The following PSMD13 variants were observed in gnomAD, a reference collection of about 807,000 sequenced individuals.
PSMD13 encodes the protein 26S proteasome non-ATPase regulatory subunit 13.
A neutral mutation model predicts 57.4 loss-of-function variants in PSMD13; 8 were observed. The ratio of observed to expected loss-of-function variants is 0.14; its 90% CI spans 0.08 to 0.25. PSMD13 has a LOEUF of 0.25. Ranked by LOEUF, PSMD13 falls within the 10% of genes least tolerant of loss-of-function variation. PSMD13 has a pLI of 1.00. For synonymous variants in PSMD13, 193 were observed against 168.2 expected, an observed-to-expected ratio of 1.15 and a Z score of -1.14; for missense variants, 400 against 461.5, an observed-to-expected ratio of 0.87 and a Z score of 1.22.
chr11:237,500 A>G (rs902624994), intron 1 of PSMD13, among the ~76,000 whole-genome samples: 8 of 152,218 alleles, frequency 5.3e-5, no homozygotes, highest in African/African-American at 1.9e-4. Flanking sequence ...GATTCCATCT[A>G]ACAAGCAAAC....
intron 7 of PSMD13, 187 bp downstream of exon 7, chr11:247,635 C>T (rs1175079795): frequency 5.8e-6 from 3 of 517,682 alleles, no homozygotes; most frequent in South Asian, 2.6e-5. Context: ...AGTTCGAGAC[C>T]AGCCTGGCCA....
chr11:246,661 A>G lies in PSMD13; in HGVS notation c.397-616A>G, dbSNP rs183971455. ...GTGCATCTCTGCCTTTCCCAGATACATGCTCCCTCAGCACCATATGAGTAC... is the reference window on the plus strand; with the variant it reads ...GTGCATCTCTGCCTTTCCCAGATACGTGCTCCCTCAGCACCATATGAGTAC... On this transcript the variant is annotated intron_variant, in intron 6 of 12. Transcript: ENST00000532097. 5.9e-5 allele frequency among the ~76,000 whole-genome samples: 9 copies of G among 152,278 alleles called. No individual in the cohort carries two copies. The East Asian group carries it at 1.3e-3, about 23-fold the overall frequency.
At chr11:237,335 G>C (rs1272108846) in intron 1 of PSMD13, among the ~76,000 whole-genome samples, 191 bp downstream of exon 1, 1 of 152,234 alleles carries the variant, frequency 6.6e-6, no homozygotes, top group Admixed American at 6.5e-5. Flanking sequence ...CGAGGAATAA[G>C]AGGGATGACA....
intron 9 of PSMD13, among the ~76,000 whole-genome samples, chr11:250,312 A>G (rs2133992719): frequency 6.6e-6 from 1 of 152,360 alleles, no homozygotes; most frequent in Non-Finnish European, 1.5e-5. Context: ...CAGGACAATG[A>G]TATTTTTCAT....
At chr11:238,575 G>A (rs1564819579) in intron 1 of PSMD13, among the ~76,000 whole-genome samples, 1 of 152,184 alleles carries the variant, frequency 6.6e-6, no homozygotes, top group Non-Finnish European at 1.5e-5. Context: ...GGAGGCTGAG[G>A]CAGGAGAATC....
At chr11:245,416 G>T (rs1178374042) in intron 6 of PSMD13, among the ~76,000 whole-genome samples, 1 of 152,206 alleles carries the variant, frequency 6.6e-6, no homozygotes, top group Admixed American at 6.5e-5. Context: ...GCCTCAGTCA[G>T]CCCAAAGCAC....
intron 7 of PSMD13, among the ~76,000 whole-genome samples, chr11:248,398 A>G (rs1048760898): frequency 6.6e-6 from 1 of 152,226 alleles, no homozygotes; most frequent in Non-Finnish European, 1.5e-5. Context: ...AGAACAATAG[A>G]CTTGCTGTCT....
At chr11:245,253 C>T (rs1423422439) in intron 6 of PSMD13, among the ~76,000 whole-genome samples, 1 of 152,146 alleles carries the variant, frequency 6.6e-6, no homozygotes, top group Admixed American at 6.5e-5. Context: ...CCCCCGATTG[C>T]TAACCTTTTA....
intron 1 of PSMD13, among the ~76,000 whole-genome samples, chr11:237,885 A>C (rs932868845): frequency 6.6e-6 from 1 of 152,238 alleles, no homozygotes; most frequent in African/African-American, 2.4e-5. Flanking sequence ...CATAGAAAAT[A>C]CATCTCCTGT....
Position 251,979 on chromosome 11 carries a change from G to A in PSMD13, c.1035+43G>A, listed in dbSNP as rs770393899. The A allele has an allele frequency of 2.9e-5, 45 of 1,562,134 alleles. No homozygotes were observed. The highest frequency in any genetic ancestry group is 3.6e-5 in the Non-Finnish European group (41 of 1,135,646). Reference sequence around the variant, plus strand: ...CATTATTCACCTCTGTGGATTTTGAGGGGTTGTGTCTATACCGTCTTAGTT... The same window carrying A: ...CATTATTCACCTCTGTGGATTTTGAAGGGTTGTGTCTATACCGTCTTAGTT... On this transcript the variant is annotated intron_variant, in intron 12 of 12. Transcript: ENST00000532097. The surrounding 1 kb of genome is among the most constrained non-coding windows in gnomAD (Gnocchi z 4.6).
rs768570521 is a variant in PSMD13, at chr11:237,092, G to A, written c.43G>A (p.Gly15Arg). Residue 15 changes from glycine to arginine, a missense_variant, in exon 1 of 13, where the codon GGG becomes AGG. By Grantham distance (125) the Gly-to-Arg change is moderately radical. Coordinates refer to ENST00000532097, the MANE Select transcript of PSMD13 (RefSeq NM_002817.4). ...CTTCCTACAGCAGAGCCAGAACTCC[G>A]GGCCCGGGCAGCCCGCTGTGTGGCA... is the stretch of plus-strand genomic sequence containing the variant. Reference protein sequence around the residue: ...PGFLQQSQNSGPGQPAVWHRL... With the variant: ...PGFLQQSQNSRPGQPAVWHRL... 2 of 1,613,804 alleles carry A rather than the reference G, an allele frequency of 1.2e-6. No individual in the cohort carries two copies. The highest frequency in any genetic ancestry group is 2.2e-5 in the South Asian group (2 of 91,058).
At chr11:246,086 C>T (rs528092775) in intron 6 of PSMD13, among the ~76,000 whole-genome samples, 115 of 152,238 alleles carry the variant, frequency 7.6e-4, no homozygotes, top group African/African-American at 2.6e-3. Flanking sequence ...GTAACTCAAG[C>T]GTTTTAACAT....
At chr11:244,529 G>T in intron 5 of PSMD13, 60 bp downstream of exon 5, 2 of 1,556,044 alleles carry the variant, frequency 1.3e-6, no homozygotes, top group Non-Finnish European at 8.9e-7. Context: ...TGACTTAACA[G>T]CTTGTGTTCA....
chr11:243,185 A>G (rs6598066), intron 2 of PSMD13: 505,704 of 612,314 alleles, frequency 0.83, 209,302 homozygotes, highest in African/African-American at 0.96. Flanking sequence ...CTTGTTTTTA[A>G]TTTAGGTATC....
chr11:249,015 C>T lies in PSMD13; in HGVS notation c.732C>T (p.Asn244=), dbSNP rs755253526. ...CCCTCTATGCCTTCAACAGTGGCAA[C>T]GTAGAGCGGTTCCAGACTCTGAAGA... ...IDTLYAFNSG[N]VERFQTLKTA... Residue 244 remains asparagine, a synonymous_variant, in exon 9 of 13, where the codon AAC becomes AAT. Transcript: ENST00000532097. 1.1e-5 allele frequency: 17 copies of T among 1,613,766 alleles called. No individual in the cohort carries two copies. The highest frequency in any genetic ancestry group is 2.2e-5 in the East Asian group (1 of 44,900).
rs575334060 is a variant in PSMD13 at position 251,876 on chromosome 11, C to G, written c.975C>G (p.Asp325Glu). 5.0e-6 allele frequency: 8 copies of G among 1,614,024 alleles called. No homozygotes were observed. The highest frequency in any genetic ancestry group is 1.3e-5 in the African/African-American group (1 of 74,908). ...LSVGLVKGSI[D>E]EVDKRVHMTW... is the part of the protein sequence containing the mutation. ...TGGGGCTGGTGAAAGGCAGTATAGA[C>G]GAGGTGGACAAACGAGTCCACATGA... The change falls in exon 12 of 13, where the codon GAC becomes GAG. Residue 325 changes from aspartate to glutamate, a missense_variant. Coordinates refer to ENST00000532097, the MANE Select transcript of PSMD13 (RefSeq NM_002817.4). This position sits in a 1 kb window ranked among gnomAD's most constrained non-coding sequence, Gnocchi z 4.6.
chr11:240,128 T>TTTTTTTTTTG (rs869292581), intron 2 of PSMD13, among the ~76,000 whole-genome samples: 3 of 141,610 alleles, frequency 2.1e-5, no homozygotes, highest in Admixed American at 7.0e-5. Context: ...TTTTTTTTTT[T>TTTTTTTTTTG]GACGGAGTTT....
intron 7 of PSMD13, 107 bp from the exon 8 acceptor site, chr11:248,669 A>G (rs1859704323): frequency 9.3e-7 from 1 of 1,070,216 alleles, no homozygotes; most frequent in Non-Finnish European, 1.4e-6. Flanking sequence ...TGTAATAACA[A>G]CCATTACAAA....
chr11:250,013 G>A (rs868660687), intron 9 of PSMD13, among the ~76,000 whole-genome samples: 1 of 151,728 alleles, frequency 6.6e-6, no homozygotes, highest in African/African-American at 2.4e-5. Context: ...CAGAAAGGAA[G>A]ATGGCTAGTT....
Sources: gnomAD v4.1 joint callset for allele counts (sites outside exome capture counted in the v4.1 genomes callset) on GRCh38, gnomAD v4.1.1 for gene constraint, Gnocchi (gnomAD v3.1) non-coding constraint, MANE v1.5 for transcripts, NCBI Gene and HGNC (gene_info 2026-07-23, HGNC 2026-07-21) for gene names.